Variants in RIC3 observed in about 807,000 individuals in gnomAD.
RIC3 encodes protein RIC-3.
In RIC3, 28 loss-of-function variants were observed where a neutral mutation model predicts 27.3. That is an observed-to-expected ratio of 1.02 (90% CI 0.76 to 1.41). The LOEUF (loss-of-function observed/expected upper bound fraction) is 1.41. RIC3 is among the 40% of genes most tolerant of loss of function. The pLI is 0.00. For missense variants in RIC3, 501 were observed against 444.7 expected (o/e 1.13, Z -1.14); for synonymous variants, 184 against 160.4 (o/e 1.15, Z -1.11).
intron 1 of RIC3, among the ~76,000 whole-genome samples, chr11:8,157,938 C>G (rs902224528): frequency 3.3e-5 from 5 of 152,110 alleles, no homozygotes; most frequent in African/African-American, 4.8e-5. Flanking sequence ...AATACATGAA[C>G]AGGAAAATGA....
In RIC3 at chr11:8,110,709, C is replaced by T. The variant is rs1223525366; in HGVS notation, c.1099G>A (p.Gly367Ser). 2 of 1,614,108 alleles carry T rather than the reference C, an allele frequency of 1.2e-6. No homozygotes were observed. The highest frequency in any genetic ancestry group is 1.7e-6 in the Non-Finnish European group (2 of 1,179,996). ...GSMLRKRNPQ[G>S]LE ...CAGACTGGCTGTTTTCACTCTAAAC[C>T]CTGGGGGTTACGCTTCCTCAGCATG... The change falls in exon 6 of 6, where the codon GGT becomes AGT. Residue 367 changes from glycine (G) to serine (S), a missense_variant. Transcript: ENST00000309737.
In RIC3 at chr11:8,126,642, GAGA is replaced by G. The variant is rs1169347737; in HGVS notation, c.670+14_670+16del. 6.2e-7 allele frequency: 1 copy of G among 1,612,204 alleles called. No individual in the cohort carries two copies. Among genetic ancestry groups the G allele is most frequent in the Non-Finnish European group, 8.5e-7 (1 of 1,179,000 alleles). ...CTGGGCTGACAGCTAACAAAAAAAT[GAGA>G]AGACACTGTTTACCTTCCCAGTCCT... On this transcript the variant is annotated intron_variant, in intron 5 of 5. Transcript: ENST00000309737.
the RIC3 span, chr11:8,097,646 A>G: frequency 2.1e-6 from 3 of 1,409,450 alleles, no homozygotes; most frequent in Non-Finnish European, 3.0e-6. Context: ...AGTCTGTGTG[A>G]GTGGCTCTCA....
At chr11:8,132,408 G>C (rs115136088) in intron 4 of RIC3, among the ~76,000 whole-genome samples, 1 of 152,244 alleles carries the variant, frequency 6.6e-6, no homozygotes, top group African/African-American at 2.4e-5. Context: ...TGTGTGTGTT[G>C]TGGGGGAAGA....
intron 2 of RIC3, chr11:8,139,747 G>T (rs1367298274): frequency 8.3e-6 from 3 of 361,748 alleles, no homozygotes; most frequent in African/African-American, 4.8e-5. Flanking sequence ...CTTGTTAGTT[G>T]TGAATTTTGG....
intron 4 of RIC3, among the ~76,000 whole-genome samples, chr11:8,127,853 A>C (rs1947177687): frequency 6.6e-6 from 1 of 152,216 alleles, no homozygotes; most frequent in Admixed American, 6.5e-5. Flanking sequence ...TTCTCTGCTC[A>C]GCCTAACTTT....
At chr11:8,138,059 T>C (rs1255647225) in intron 3 of RIC3, among the ~76,000 whole-genome samples, 3 of 152,216 alleles carry the variant, frequency 2.0e-5, no homozygotes, top group African/African-American at 4.8e-5. Flanking sequence ...AATTTGCTAA[T>C]ATATTAAAAA....
chr11:8,147,724 ATT>A (rs900780947), intron 1 of RIC3, among the ~76,000 whole-genome samples: 4,105 of 124,378 alleles, frequency 0.033, 68 homozygotes, highest in South Asian at 0.074. Context: ...CTTGCGTAAG[ATT>A]TTTTTTTTTT....
chr11:8,112,217 C>G (rs543944963), intron 5 of RIC3, among the ~76,000 whole-genome samples: 1 of 152,126 alleles, frequency 6.6e-6, no homozygotes, highest in East Asian at 1.9e-4. Context: ...AATATCTTCA[C>G]TCATAATAAT....
At position 8,109,389 on chromosome 11, in the gene RIC3, G is replaced by A. The variant is rs145604110; in HGVS notation, c.*1309C>T. The A allele has an allele frequency of 1.2e-4, 19 of 152,238 alleles. No individual in the cohort carries two copies. Among genetic ancestry groups the A allele is most frequent in the African/African-American group, 4.1e-4 (17 of 41,546 alleles). 9.4% of individuals were successfully genotyped at this position (152,238 alleles called of 1,614,324 possible). Reference sequence around the variant, plus strand: ...TAAACTGAATTCACACATACCTCATGATGTAATTCATGGGTGCTATCTTGT... The same window carrying A: ...TAAACTGAATTCACACATACCTCATAATGTAATTCATGGGTGCTATCTTGT... On this transcript the variant is annotated 3_prime_UTR_variant, in exon 6 of 6. Coordinates refer to ENST00000309737, the MANE Select transcript of RIC3 (RefSeq NM_001206671.4).
chr11:8,098,969 G>A, the RIC3 span: 1 of 920,858 alleles, frequency 1.1e-6, no homozygotes, highest in Non-Finnish European at 1.8e-6. Context: ...CCATCTTAGT[G>A]GGTAGACAAG....
chr11:8,153,239 T>C (rs530766010), intron 1 of RIC3: 3 of 295,416 alleles, frequency 1.0e-5, no homozygotes, highest in East Asian at 9.4e-5. Flanking sequence ...TGTTCACATA[T>C]TTACTGCTGA....
chr11:8,121,733 A>G (rs1226519426), intron 5 of RIC3, among the ~76,000 whole-genome samples: 1 of 152,158 alleles, frequency 6.6e-6, no homozygotes, highest in Non-Finnish European at 1.5e-5. Flanking sequence ...AAAAATAATA[A>G]TAACTTTTTT....
rs74903776 is a variant in RIC3 at position 8,167,167 on chromosome 11, C to T, written c.124+1699G>A. 4.9e-3 allele frequency among the ~76,000 whole-genome samples: 743 copies of T among 152,084 alleles called. 6 individuals are homozygous for T. Among genetic ancestry groups the T allele is most frequent in the African/African-American group, 0.017 (715 of 41,494 alleles). ...TAATCTTAAAGTATTTATTGACTGC[C>T]CATTATATGCCAGGTACTGAAGAAA... On this transcript the variant is annotated intron_variant, in intron 1 of 5. Transcript: ENST00000309737.
chr11:8,122,443 A>G (rs1051350185), intron 5 of RIC3, among the ~76,000 whole-genome samples: 2 of 152,158 alleles, frequency 1.3e-5, no homozygotes, highest in African/African-American at 2.4e-5. Context: ...TGCTAAGTGT[A>G]TACCACAGTG....
chr11:8,132,868 G>A (rs1249667979), intron 4 of RIC3, among the ~76,000 whole-genome samples: 3 of 152,220 alleles, frequency 2.0e-5, no homozygotes, highest in Middle Eastern at 3.4e-3. Flanking sequence ...ATAATCATAG[G>A]AGCACAGACT....
At chr11:8,101,834 GGATGAGAAT>G, downstream of RIC3, 5 of 703,218 alleles carry the variant, frequency 7.1e-6, no homozygotes, top group South Asian at 4.1e-5. Flanking sequence ...GGGTGTGAAG[GGATGAGAAT>G]AATTCTTTCC....
intron 1 of RIC3, among the ~76,000 whole-genome samples, chr11:8,158,922 G>A (rs12279031): frequency 4.0e-5 from 6 of 148,758 alleles, no homozygotes; most frequent in Non-Finnish European, 7.4e-5. Context: ...TAGTAGAGAC[G>A]GCGTTTCACC....
At chr11:8,145,690 T>C (rs1175352718) in intron 1 of RIC3, among the ~76,000 whole-genome samples, 1 of 152,002 alleles carries the variant, frequency 6.6e-6, no homozygotes, top group Non-Finnish European at 1.5e-5. Context: ...TCTTGCATTT[T>C]TTTTTTCTCC....
Sources: gnomAD v4.1 joint callset for allele counts (sites outside exome capture counted in the v4.1 genomes callset) on GRCh38, gnomAD v4.1.1 for gene constraint, MANE v1.5 for transcripts, NCBI Gene and HGNC (gene_info 2026-07-23, HGNC 2026-07-21) for gene names.